LSAMP: variants seen among roughly 807,000 people sequenced by gnomAD.
LSAMP encodes limbic system-associated membrane protein.
LSAMP carries 7 observed loss-of-function variants against 38.6 expected under a neutral mutation model. That is an observed-to-expected ratio of 0.18 (90% CI 0.10 to 0.34). LSAMP has a LOEUF of 0.34. LSAMP is among the 10% of genes least tolerant of loss of function. The pLI is 1.00. For missense variants in LSAMP, 313 were observed against 420.0 expected, an observed-to-expected ratio of 0.75 and a Z score of 2.23; for synonymous variants, 154 against 166.8, an observed-to-expected ratio of 0.92 and a Z score of 0.59.
intron 3 of LSAMP, among the ~76,000 whole-genome samples, chr3:115,864,020 G>T (rs766559461): frequency 6.6e-6 from 1 of 152,082 alleles, no homozygotes; most frequent in Non-Finnish European, 1.5e-5. Flanking sequence ...GACTATCCAT[G>T]GGCATTGTGT....
rs138348175 is a variant in LSAMP at position 116,101,277 on chromosome 3, T to A, written c.156-14721A>T. 3.3e-3 allele frequency among the ~76,000 whole-genome samples: 503 copies of A among 152,332 alleles called. 2 individuals are homozygous for A. Among genetic ancestry groups the A allele is most frequent in the African/African-American group, 0.012 (485 of 41,574 alleles). On this transcript the variant is annotated intron_variant, in intron 1 of 6. Transcript: ENST00000490035. ...GACAGGACAAGAAGTGTTTTTCTAATCTAAACCAGGTATCTTATTTCCCTA... is the reference window on the plus strand; with the variant it reads ...GACAGGACAAGAAGTGTTTTTCTAAACTAAACCAGGTATCTTATTTCCCTA...
At chr3:115,898,598 C>CGT (rs374602491) in intron 3 of LSAMP, among the ~76,000 whole-genome samples, 34 of 142,050 alleles carry the variant, frequency 2.4e-4, no homozygotes, top group African/African-American at 8.7e-4. Flanking sequence ...CATGAAGATG[C>CGT]ATATATATAT....
intron 1 of LSAMP, among the ~76,000 whole-genome samples, chr3:116,383,757 CT>C (rs1230342266): frequency 6.6e-6 from 1 of 152,146 alleles, no homozygotes; most frequent in African/African-American, 2.4e-5. Flanking sequence ...ATGTGACACA[CT>C]GGCAATGTAT....
In LSAMP at chr3:116,076,421, C is replaced by T. The variant is rs180743461; in HGVS notation, c.388+9903G>A. ...TATAGGAGCCCGCCACCACGCCCAG[C>T]TAATTTTTTGTATTTTTAGTAGAGA... On this transcript the variant is annotated intron_variant, in intron 2 of 6. Transcript: ENST00000490035. 1.8e-4 allele frequency among the ~76,000 whole-genome samples: 27 copies of T among 152,132 alleles called. No individual in the cohort carries two copies. The East Asian group carries it at 5.0e-3, about 28-fold the overall frequency.
At chr3:115,918,911 C>T (rs1937318230) in intron 3 of LSAMP, among the ~76,000 whole-genome samples, 1 of 152,020 alleles carries the variant, frequency 6.6e-6, no homozygotes, top group Non-Finnish European at 1.5e-5. Context: ...TGTAACAATC[C>T]TATGAAATAG....
At chr3:116,110,273 A>T (rs1308109901) in intron 1 of LSAMP, among the ~76,000 whole-genome samples, 2 of 152,026 alleles carry the variant, frequency 1.3e-5, no homozygotes, top group African/African-American at 4.8e-5. Flanking sequence ...TTCCCCAGAA[A>T]AGCAGAGAAG....
chr3:116,220,777 C>T (rs2046274387), intron 1 of LSAMP, among the ~76,000 whole-genome samples: 1 of 152,104 alleles, frequency 6.6e-6, no homozygotes, highest in Non-Finnish European at 1.5e-5. Context: ...GTTGACATGG[C>T]CAGAATAAGC....
intron 6 of LSAMP, among the ~76,000 whole-genome samples, chr3:115,826,404 C>T (rs559696932): frequency 6.6e-6 from 1 of 152,102 alleles, no homozygotes. Flanking sequence ...CCACGCCTGG[C>T]CTGTTTCTGT....
chr3:116,434,702 C>T (rs1055439938), intron 1 of LSAMP, among the ~76,000 whole-genome samples: 1 of 152,126 alleles, frequency 6.6e-6, no homozygotes, highest in Non-Finnish European at 1.5e-5. Flanking sequence ...CAGGCGTGCA[C>T]CACCAGGCCC....
chr3:116,303,118 C>T (rs143867044), intron 1 of LSAMP, among the ~76,000 whole-genome samples: 1 of 152,226 alleles, frequency 6.6e-6, no homozygotes, highest in African/African-American at 2.4e-5. Context: ...CAAGAGAGGG[C>T]TTCTCAATCT....
At chr3:116,209,993 A>G (rs555646394) in intron 1 of LSAMP, among the ~76,000 whole-genome samples, 1 of 152,160 alleles carries the variant, frequency 6.6e-6, no homozygotes, top group East Asian at 1.9e-4. Context: ...TGACTTCGTG[A>G]TCCGCCCACC....
intron 1 of LSAMP, among the ~76,000 whole-genome samples, chr3:116,194,561 A>AT (rs1184028421): frequency 6.6e-6 from 1 of 151,892 alleles, no homozygotes; most frequent in Non-Finnish European, 1.5e-5. Flanking sequence ...CGCCCAGCTA[A>AT]TTTTTTCGTG....
intron 1 of LSAMP, among the ~76,000 whole-genome samples, chr3:116,240,896 C>G (rs1260426273): frequency 6.6e-6 from 1 of 152,194 alleles, no homozygotes; most frequent in Non-Finnish European, 1.5e-5. Flanking sequence ...CTGCAGACAG[C>G]TGGGTGCGGT....
At chr3:116,058,315 A>G (rs1465609821) in intron 2 of LSAMP, among the ~76,000 whole-genome samples, 1 of 152,174 alleles carries the variant, frequency 6.6e-6, no homozygotes, top group Non-Finnish European at 1.5e-5. Flanking sequence ...ATGTAACACC[A>G]CAAGAAGTGG....
intron 1 of LSAMP, among the ~76,000 whole-genome samples, chr3:116,305,721 A>C (rs1446896183): frequency 6.6e-6 from 1 of 152,050 alleles, no homozygotes; most frequent in African/African-American, 2.4e-5. Flanking sequence ...TTGCACTCAT[A>C]ATATTTTGTA....
intron 1 of LSAMP, among the ~76,000 whole-genome samples, chr3:116,290,656 C>A (rs186371132): frequency 7.3e-5 from 11 of 151,026 alleles, no homozygotes; most frequent in African/African-American, 1.9e-4. Context: ...CTTGAACCTG[C>A]GAGGCGGAGG....
chr3:116,149,093 T>C (rs560404493), intron 1 of LSAMP, among the ~76,000 whole-genome samples: 1 of 152,104 alleles, frequency 6.6e-6, no homozygotes, highest in East Asian at 1.9e-4. Flanking sequence ...CAGTTAGCGG[T>C]TTGAGTACAT....
intron 1 of LSAMP, among the ~76,000 whole-genome samples, chr3:116,426,238 G>A (rs2049193493): frequency 1.3e-5 from 2 of 152,052 alleles, no homozygotes; most frequent in African/African-American, 4.8e-5. Flanking sequence ...TGTAATTTCA[G>A]CACTTTGGGA....
chr3:116,163,189 A>G (rs1355481252), intron 1 of LSAMP, among the ~76,000 whole-genome samples: 1 of 148,974 alleles, frequency 6.7e-6, no homozygotes, highest in African/African-American at 2.5e-5. Context: ...CTCGTCATTT[A>G]GCATTAGGTA....
Sources: gnomAD v4.1 joint callset for allele counts (sites outside exome capture counted in the v4.1 genomes callset) on GRCh38, gnomAD v4.1.1 for gene constraint, MANE v1.5 for transcripts, NCBI Gene and HGNC (gene_info 2026-07-23, HGNC 2026-07-21) for gene names.